FKBP5: variants seen among roughly 807,000 people sequenced by gnomAD.
The protein encoded by FKBP5 is peptidyl-prolyl cis-trans isomerase FKBP5.
FKBP5 carries 23 observed loss-of-function variants against 50.5 expected under a neutral mutation model. That is an observed-to-expected ratio of 0.46 (90% CI 0.33 to 0.65). FKBP5 has a LOEUF of 0.65. Ranked by LOEUF, FKBP5 falls within the 30% of genes least tolerant of loss-of-function variation. The pLI, the probability that FKBP5 is intolerant of heterozygous loss-of-function variation, is 0.02. For missense variants in FKBP5, 411 were observed against 553.1 expected (o/e 0.74, Z 2.58); for synonymous variants, 176 against 190.6 (o/e 0.92, Z 0.63).
intron 4 of FKBP5, among the ~76,000 whole-genome samples, chr6:35,619,839 T>C (rs916137072): frequency 2.0e-5 from 3 of 152,196 alleles, no homozygotes; most frequent in Non-Finnish European, 4.4e-5. Context: ...TGTACTCTGG[T>C]CAATTTTGAG....
At chr6:35,612,973 G>A (rs1432641549) in intron 5 of FKBP5, among the ~76,000 whole-genome samples, 2 of 152,152 alleles carry the variant, frequency 1.3e-5, no homozygotes, top group Admixed American at 6.5e-5. Context: ...AATGCTCCAC[G>A]TAGTTAAGTA....
At chr6:35,692,945 C>T (rs1373105085), upstream of FKBP5, among the ~76,000 whole-genome samples, 2 of 151,222 alleles carry the variant, frequency 1.3e-5, no homozygotes, top group Non-Finnish European at 2.9e-5. Context: ...TTCTTTCTTT[C>T]TGGGGCTCCA....
chr6:35,673,172 T>C (rs1265402429), intron 1 of FKBP5, among the ~76,000 whole-genome samples: 1 of 152,218 alleles, frequency 6.6e-6, no homozygotes, highest in East Asian at 1.9e-4. Context: ...TTCTATCACA[T>C]TACATCTAGG....
intron 8 of FKBP5, chr6:35,583,653 C>G (rs2150954271): frequency 1.1e-6 from 1 of 904,484 alleles, no homozygotes; most frequent in East Asian, 1.2e-4. Context: ...CTACTGGCAT[C>G]TAATGGGCAG....
At chr6:35,633,234 G>C (rs947640820) in intron 3 of FKBP5, among the ~76,000 whole-genome samples, 3 of 151,974 alleles carry the variant, frequency 2.0e-5, no homozygotes, top group African/African-American at 7.3e-5. Flanking sequence ...ACTACCTAAT[G>C]CTATAAAATA....
At chr6:35,624,459 G>A (rs754089247) in intron 3 of FKBP5, among the ~76,000 whole-genome samples, 3 of 151,364 alleles carry the variant, frequency 2.0e-5, no homozygotes, top group Non-Finnish European at 2.9e-5. Context: ...CTGAGATCAC[G>A]CCACTGCACC....
chr6:35,680,930 G>A (rs1215605345), intron 1 of FKBP5, among the ~76,000 whole-genome samples: 1 of 152,192 alleles, frequency 6.6e-6, no homozygotes. Context: ...AAATAAAGCA[G>A]GTTTGCCTTG....
chr6:35,679,007 T>C (rs1018928319), intron 1 of FKBP5, among the ~76,000 whole-genome samples: 3 of 152,168 alleles, frequency 2.0e-5, no homozygotes, highest in African/African-American at 7.2e-5. Context: ...TGTTTGTACT[T>C]AGGAGGTCAA....
At chr6:35,644,058 T>C (rs1279904016) in intron 1 of FKBP5, among the ~76,000 whole-genome samples, 1 of 152,186 alleles carries the variant, frequency 6.6e-6, no homozygotes, top group Non-Finnish European at 1.5e-5. Context: ...TAAAAATATC[T>C]GTTTTCACAG....
chr6:35,720,341 C>T (rs966284913), exon 2 of FKBP5: 8 of 152,454 alleles, frequency 5.2e-5, no homozygotes, highest in African/African-American at 1.7e-4. Flanking sequence ...CTCTGAGAAG[C>T]GTTCTGTCCC....
chr6:35,690,045 G>T (rs999499676), upstream of FKBP5, among the ~76,000 whole-genome samples: 2 of 152,166 alleles, frequency 1.3e-5, no homozygotes, highest in Admixed American at 1.3e-4. Flanking sequence ...AGTTACCTAT[G>T]GAAACCTAAT....
intron 5 of FKBP5, among the ~76,000 whole-genome samples, chr6:35,609,176 A>AT (rs202103662): frequency 0.028 from 4,192 of 149,580 alleles, 65 homozygotes; most frequent in Non-Finnish European, 0.035. Flanking sequence ...TATGGAAATT[A>AT]TTTTTTTTTT....
chr6:35,651,465 T>C (rs1581853405), intron 1 of FKBP5, among the ~76,000 whole-genome samples: 2 of 152,170 alleles, frequency 1.3e-5, no homozygotes, highest in African/African-American at 4.8e-5. Context: ...GCTTGTGCGA[T>C]GTCCAGAAGG....
At chr6:35,604,496 C>T (rs1212702112) in intron 5 of FKBP5, among the ~76,000 whole-genome samples, 1 of 152,100 alleles carries the variant, frequency 6.6e-6, no homozygotes, top group Non-Finnish European at 1.5e-5. Context: ...GCTCCTATTC[C>T]TAGACTTATA....
intron 6 of FKBP5, among the ~76,000 whole-genome samples, chr6:35,595,867 A>G (rs1329482365): frequency 6.6e-6 from 1 of 152,236 alleles, no homozygotes; most frequent in Non-Finnish European, 1.5e-5. Context: ...CTAAGAATAA[A>G]CTACAAATAT....
In FKBP5 at chr6:35,641,663, G is replaced by A. The variant is rs145464302; in HGVS notation, c.105+1057C>T. Among the ~76,000 whole-genome samples the A allele has an allele frequency of 1.6e-3, 251 of 152,222 alleles. 1 individual carries two copies. The Middle Eastern group carries it at 0.02, about 12-fold the overall frequency. ...GTAAGATATATTCTAAGAGGAAATC[G>A]CAAAAGATATCTTCACTGTACACAG... On this transcript the variant is annotated intron_variant, in intron 2 of 10. Coordinates refer to ENST00000357266, the MANE Select transcript of FKBP5 (RefSeq NM_004117.4).
At chr6:35,582,707 C>A (rs1479645284) in intron 8 of FKBP5, 3 of 985,180 alleles carry the variant, frequency 3.0e-6, no homozygotes, top group Non-Finnish European at 3.6e-6. Context: ...TAGTCTTAGG[C>A]CTACCACTCC....
Position 35,642,821 on chromosome 6 carries a change from T to C in FKBP5, c.4A>G (p.Thr2Ala). The C allele has an allele frequency of 1.2e-6, 2 of 1,612,996 alleles. No individual in the cohort carries two copies. Among genetic ancestry groups the C allele is most frequent in the Non-Finnish European group, 8.5e-7 (1 of 1,179,550 alleles). The change falls in exon 2 of 11, where the codon ACT (threonine) becomes GCT (alanine). Residue 2 changes from threonine (T) to alanine (A), a missense_variant. This residue lies in a region of FKBP5 where 56 missense variants were observed against 58.2 expected (regional missense o/e 0.96). Coordinates refer to ENST00000357266, the MANE Select transcript of FKBP5 (RefSeq NM_004117.4). The stretch of plus-strand genomic sequence containing the variant: ...TTGTTCTTGGCACCTTCATCAGTAG[T>C]CATTGTCTTTTAAGTAGAGAACCTG... M[T>A]TDEGAKNNEE... is the part of the protein sequence containing the mutation.
intron 5 of FKBP5, among the ~76,000 whole-genome samples, chr6:35,616,314 C>CAAAAAAAAAAAA (rs34779549): frequency 5.2e-5 from 3 of 57,470 alleles, no homozygotes; most frequent in Admixed American, 2.8e-4. Flanking sequence ...GACTCCATCT[C>CAAAAAAAAAAAA]AAAAAAAAAA....
Sources: gnomAD v4.1 joint callset for allele counts (sites outside exome capture counted in the v4.1 genomes callset) on GRCh38, gnomAD v4.1.1 for gene constraint, gnomAD v4.1.1 regional missense constraint, MANE v1.5 for transcripts, NCBI Gene and HGNC (gene_info 2026-07-23, HGNC 2026-07-21) for gene names.